The following CCDC178 variants were observed in gnomAD, a reference collection of about 807,000 sequenced individuals.
The protein encoded by CCDC178 is coiled-coil domain containing 178.
A neutral mutation model predicts 117.4 loss-of-function variants in CCDC178; 126 were observed. The observed-to-expected ratio is 1.07, with a 90% CI of 0.93 to 1.24. The LOEUF is 1.24. Among genes scored for constraint, CCDC178 ranks in the 50% most tolerant of loss-of-function variants. CCDC178 has a pLI of 0.00. For missense variants in CCDC178, 1,030 were observed against 986.9 expected (o/e 1.04, Z -0.59); for synonymous variants, 283 against 313.4 (o/e 0.90, Z 1.02).
intron 20 of CCDC178, among the ~76,000 whole-genome samples, chr18:33,198,793 A>G (rs753065050): frequency 6.6e-5 from 10 of 152,168 alleles, no homozygotes; most frequent in Non-Finnish European, 1.2e-4. Flanking sequence ...CTGATAAAAG[A>G]AACGGTGGCA....
chr18:33,078,157 G>T (rs1451028457), intron 21 of CCDC178, among the ~76,000 whole-genome samples: 1 of 151,798 alleles, frequency 6.6e-6, no homozygotes, highest in African/African-American at 2.4e-5. Context: ...TGTGACTCAT[G>T]CCAACAGAAC....
intron 14 of CCDC178, among the ~76,000 whole-genome samples, chr18:33,248,636 T>C (rs2059579033): frequency 1.3e-5 from 2 of 152,070 alleles, no homozygotes; most frequent in Non-Finnish European, 2.9e-5. Context: ...ATGGTGTATA[T>C]GTGTCACATT....
Position 33,226,613 on chromosome 18 carries a change from T to C in CCDC178, c.1656+180A>G, listed in dbSNP as rs549402042. Among the ~76,000 whole-genome samples, 24 of 152,322 alleles carry C rather than the reference T, an allele frequency of 1.6e-4. No homozygotes were observed. In the East Asian group the frequency reaches 4.2e-3, roughly 27 times the overall value. On this transcript the variant is annotated intron_variant, in intron 16 of 22. Transcript: ENST00000383096. ...GATATGTATATGGGAGGTCAATTTC[T>C]TTATGCATGATCAGACACTGCTGGT...
chr18:33,032,761 G>A (rs1334813677), intron 21 of CCDC178, among the ~76,000 whole-genome samples: 1 of 151,988 alleles, frequency 6.6e-6, no homozygotes, highest in African/African-American at 2.4e-5. Flanking sequence ...CAGATTTGGG[G>A]TAAGAATTGA....
intron 21 of CCDC178, among the ~76,000 whole-genome samples, chr18:33,004,101 A>T (rs1316465575): frequency 6.6e-6 from 1 of 152,124 alleles, no homozygotes; most frequent in Non-Finnish European, 1.5e-5. Flanking sequence ...TGTACTACCC[A>T]TAGCAACCTA....
intron 20 of CCDC178, among the ~76,000 whole-genome samples, chr18:33,210,211 CCT>C (rs1339627841): frequency 1.3e-5 from 2 of 151,872 alleles, no homozygotes; most frequent in Non-Finnish European, 2.9e-5. Context: ...AATTCCCTCC[CCT>C]TAGAGAAGAA....
At chr18:33,297,809 A>G (rs994147737) in intron 11 of CCDC178, among the ~76,000 whole-genome samples, 2 of 152,140 alleles carry the variant, frequency 1.3e-5, no homozygotes, top group Admixed American at 6.5e-5. Flanking sequence ...TGGGAGGCCT[A>G]AACAGGTGGA....
intron 21 of CCDC178, among the ~76,000 whole-genome samples, chr18:33,067,845 A>G (rs2057043004): frequency 1.3e-5 from 2 of 152,120 alleles, no homozygotes; most frequent in Non-Finnish European, 2.9e-5. Context: ...AAATAAATAA[A>G]TAAATAAAAA....
chr18:33,032,111 A>G (rs2056356249), intron 21 of CCDC178, among the ~76,000 whole-genome samples: 1 of 152,134 alleles, frequency 6.6e-6, no homozygotes, highest in Admixed American at 6.6e-5. Flanking sequence ...TTCTACAAGG[A>G]GGCATAATGT....
chr18:33,111,626 A>G (rs2057784644), intron 20 of CCDC178, among the ~76,000 whole-genome samples: 1 of 151,742 alleles, frequency 6.6e-6, no homozygotes, highest in South Asian at 2.1e-4. Flanking sequence ...CATGGATAAC[A>G]GAAAAATAAC....
chr18:33,222,276 TTTCCTTCC>T (rs984628063), intron 18 of CCDC178, among the ~76,000 whole-genome samples: 2 of 148,980 alleles, frequency 1.3e-5, no homozygotes, highest in South Asian at 2.2e-4. Flanking sequence ...TCCTTCCTTC[TTTCCTTCC>T]TTCCTTCCTT....
intron 21 of CCDC178, among the ~76,000 whole-genome samples, chr18:33,038,609 A>G: frequency 6.6e-6 from 1 of 152,000 alleles, no homozygotes; most frequent in Non-Finnish European, 1.5e-5. Context: ...GGTAGTGAAG[A>G]CTTGAAGAAT....
At chr18:33,128,272 T>C (rs1168521990) in intron 20 of CCDC178, among the ~76,000 whole-genome samples, 1 of 152,210 alleles carries the variant, frequency 6.6e-6, no homozygotes, top group East Asian at 1.9e-4. Flanking sequence ...AATGGTAAAG[T>C]CATATGTCCC....
chr18:33,389,064 A>G (rs2063531099), intron 5 of CCDC178, among the ~76,000 whole-genome samples: 1 of 152,164 alleles, frequency 6.6e-6, no homozygotes. Flanking sequence ...TGATGGATTG[A>G]TAAGTGCAGC....
intron 11 of CCDC178, among the ~76,000 whole-genome samples, chr18:33,301,960 C>A (rs1599129619): frequency 6.6e-6 from 1 of 152,076 alleles, no homozygotes; most frequent in Non-Finnish European, 1.5e-5. Context: ...AAATGTTTGT[C>A]CCCTCCAAAT....
chr18:33,227,950 C>A (rs1258200207), intron 15 of CCDC178, among the ~76,000 whole-genome samples: 4 of 152,096 alleles, frequency 2.6e-5, no homozygotes, highest in Admixed American at 2.6e-4. Flanking sequence ...GCAGATACAG[C>A]ACAGTTTTTC....
chr18:33,108,501 C>T lies in CCDC178; in HGVS notation c.2239-15591G>A, dbSNP rs185877740. On this transcript the variant is annotated intron_variant, in intron 20 of 22. Coordinates refer to ENST00000383096, the MANE Select transcript of CCDC178 (RefSeq NM_001105528.4). ...CAATTCTGATATGGTATAGAGTAGA[C>T]TATGCTAAGATTTCCTAACTAGATT... Among the ~76,000 whole-genome samples, 456 of 151,668 alleles carry T rather than the reference C, an allele frequency of 3.0e-3. 9 individuals are homozygous for T. The highest frequency in any genetic ancestry group is 0.029 in the Admixed American group (444 of 15,166).
chr18:33,393,434 G>A (rs1214067800), intron 4 of CCDC178, among the ~76,000 whole-genome samples: 2 of 152,186 alleles, frequency 1.3e-5, no homozygotes, highest in South Asian at 2.1e-4. Context: ...TGATAAGTGT[G>A]TACATAAATG....
intron 20 of CCDC178, among the ~76,000 whole-genome samples, chr18:33,099,856 T>C (rs1179398322): frequency 6.6e-6 from 1 of 152,022 alleles, no homozygotes; most frequent in Non-Finnish European, 1.5e-5. Flanking sequence ...TGGAAACCAT[T>C]CTCTTGTCCA....
Sources: gnomAD v4.1 joint callset for allele counts (sites outside exome capture counted in the v4.1 genomes callset) on GRCh38, gnomAD v4.1.1 for gene constraint, MANE v1.5 for transcripts, NCBI Gene and HGNC (gene_info 2026-07-23, HGNC 2026-07-21) for gene names.